The following DIP2C variants were observed in gnomAD, a reference collection of about 807,000 sequenced individuals.
DIP2C encodes disco-interacting protein 2 homolog C.
DIP2C carries 33 observed loss-of-function variants against 192.4 expected under a neutral mutation model. The ratio of observed to expected loss-of-function variants is 0.17; its 90% CI spans 0.13 to 0.23. The LOEUF (loss-of-function observed/expected upper bound fraction) is 0.23, where lower values mean the gene tolerates loss of function less well. DIP2C is among the 10% of genes least tolerant of loss of function. The pLI is 1.00. For missense variants in DIP2C, 1,537 were observed against 2,110.1 expected (o/e 0.73, Z 5.32); for synonymous variants, 979 against 864.1 (o/e 1.13, Z -2.33).
intron 1 of DIP2C, among the ~76,000 whole-genome samples, chr10:544,314 G>A (rs1848166536): frequency 6.6e-6 from 1 of 152,238 alleles, no homozygotes; most frequent in African/African-American, 2.4e-5. Flanking sequence ...TCCATTGTGT[G>A]CAAATTTTCT....
At chr10:604,020 AC>A (rs1022402587) in intron 1 of DIP2C, among the ~76,000 whole-genome samples, 1 of 28,938 alleles carries the variant, frequency 3.5e-5, no homozygotes, top group Non-Finnish European at 6.8e-5. Context: ...ACACCACCCC[AC>A]CCCCCAGCCC....
At chr10:340,746 A>ACC in intron 29 of DIP2C, 2 of 457,356 alleles carry the variant, frequency 4.4e-6, no homozygotes, top group South Asian at 3.1e-5. Context: ...AGAGTGCCGC[A>ACC]CCCCAGGGAA....
At chr10:549,613 A>AG (rs769341876) in intron 1 of DIP2C, among the ~76,000 whole-genome samples, 13 of 152,000 alleles carry the variant, frequency 8.6e-5, no homozygotes, top group Non-Finnish European at 1.8e-4. Flanking sequence ...GTGGCTTCAG[A>AG]GGGGAGGGGT....
chr10:356,366 C>T (rs779228696), intron 24 of DIP2C, 60 bp downstream of exon 24: 1 of 1,583,304 alleles, frequency 6.3e-7, no homozygotes, highest in Admixed American at 1.7e-5. Context: ...GGAGCGCTCC[C>T]AGGAACCAGG....
chr10:289,622 T>C (rs187354949), intron 32 of DIP2C, among the ~76,000 whole-genome samples: 130 of 152,244 alleles, frequency 8.5e-4, no homozygotes, highest in African/African-American at 3.0e-3. Context: ...GACACAGCAG[T>C]CTTCCTCTGT....
intron 2 of DIP2C, among the ~76,000 whole-genome samples, chr10:477,148 A>G (rs1387636486): frequency 6.7e-6 from 1 of 149,130 alleles, no homozygotes; most frequent in Non-Finnish European, 1.5e-5. Context: ...CAGCACAGGA[A>G]GAAGGAAAAG....
chr10:482,975 A>G (rs1420036988), intron 2 of DIP2C, among the ~76,000 whole-genome samples: 1 of 152,182 alleles, frequency 6.6e-6, no homozygotes, highest in Non-Finnish European at 1.5e-5. Context: ...CACTGCATGT[A>G]TAACTCACAT....
intron 1 of DIP2C, among the ~76,000 whole-genome samples, chr10:541,140 G>C (rs563179978): frequency 3.3e-5 from 5 of 151,348 alleles, no homozygotes; most frequent in East Asian, 2.0e-4. Flanking sequence ...AACACCCGAT[G>C]CTTGGGAGGC....
At chr10:586,855 G>GAA (rs61439635) in intron 1 of DIP2C, among the ~76,000 whole-genome samples, 1 of 151,844 alleles carries the variant, frequency 6.6e-6, no homozygotes, top group African/African-American at 2.4e-5. Flanking sequence ...ATTTTGTGGG[G>GAA]AAAACCCCAC....
chr10:480,718 T>G (rs928394902), intron 2 of DIP2C, among the ~76,000 whole-genome samples: 3 of 152,212 alleles, frequency 2.0e-5, no homozygotes, highest in Non-Finnish European at 2.9e-5. Flanking sequence ...TCATTAAATG[T>G]TGCTGAAAAG....
Position 445,052 on chromosome 10 carries a change from C to CT in DIP2C, c.269-4057dup, listed in dbSNP as rs536635222. On this transcript the variant is annotated intron_variant, in intron 3 of 36. Coordinates refer to ENST00000280886, the MANE Select transcript of DIP2C (RefSeq NM_014974.3). Reference sequence around the variant, plus strand: ...AGTCTCCATCAGTCTGAGATCCAGCCTGTCATATCTTCACTAGCACCTGCT... The same window carrying CT: ...AGTCTCCATCAGTCTGAGATCCAGCCTTGTCATATCTTCACTAGCACCTGCT... 2.0e-3 allele frequency among the ~76,000 whole-genome samples: 312 copies of CT among 152,366 alleles called. 1 individual carries two copies. The highest frequency in any genetic ancestry group is 0.014 in the Middle Eastern group (4 of 294).
At chr10:518,922 G>A (rs1001383000) in intron 1 of DIP2C, among the ~76,000 whole-genome samples, 3 of 152,234 alleles carry the variant, frequency 2.0e-5, no homozygotes, top group Non-Finnish European at 2.9e-5. Flanking sequence ...TCTGAAGCCT[G>A]TAACTTTGCC....
chr10:315,064 C>A (rs778877176), intron 31 of DIP2C, among the ~76,000 whole-genome samples: 7 of 152,138 alleles, frequency 4.6e-5, no homozygotes, highest in Non-Finnish European at 7.3e-5. Flanking sequence ...TCACTTTACC[C>A]TCTGTGTATT....
At chr10:434,773 C>T (rs1368672735) in intron 4 of DIP2C, among the ~76,000 whole-genome samples, 1 of 152,040 alleles carries the variant, frequency 6.6e-6, no homozygotes, top group African/African-American at 2.4e-5. Context: ...TTTTTTTCCT[C>T]TCAATAGTTT....
chr10:364,749 T>C (rs374841590), intron 19 of DIP2C, among the ~76,000 whole-genome samples, 167 bp from the exon 20 acceptor site: 2 of 152,172 alleles, frequency 1.3e-5, no homozygotes, highest in African/African-American at 2.4e-5. Flanking sequence ...CCAACAGTCT[T>C]CGAGGCAGAA....
At chr10:405,416 T>C (rs1188000794) in intron 9 of DIP2C, among the ~76,000 whole-genome samples, 1 of 152,252 alleles carries the variant, frequency 6.6e-6, no homozygotes, top group African/African-American at 2.4e-5. Context: ...TATAAAATTG[T>C]ACATTATTGT....
chr10:345,281 T>C, intron 26 of DIP2C, 171 bp from the exon 27 acceptor site: 1 of 729,784 alleles, frequency 1.4e-6, no homozygotes, highest in South Asian at 1.5e-5. Flanking sequence ...AGGAGTCTAG[T>C]TGTGGAGGCA....
chr10:594,766 A>T (rs1347436081), intron 1 of DIP2C, among the ~76,000 whole-genome samples: 2 of 152,096 alleles, frequency 1.3e-5, no homozygotes, highest in East Asian at 3.9e-4. Context: ...TCAAGACCAC[A>T]CACAACCGAG....
At position 284,582 on chromosome 10, in the gene DIP2C, C is replaced by CGGGA. The variant is rs367850655; in HGVS notation, c.4120-1140_4120-1137dup. Reference sequence around the variant, plus strand: ...AAGCGGAGGGTAAACGGTGGTTAGCCGGGACTTCAGAGTGGCAAGGGGGAG... The same window carrying CGGGA: ...AAGCGGAGGGTAAACGGTGGTTAGCCGGGAGGGACTTCAGAGTGGCAAGGGGGAG... On this transcript the variant is annotated intron_variant, in intron 34 of 36. Transcript: ENST00000280886. 5.9e-3 allele frequency among the ~76,000 whole-genome samples: 892 copies of CGGGA among 152,214 alleles called. 8 individuals are homozygous for CGGGA. Among genetic ancestry groups the CGGGA allele is most frequent in the African/African-American group, 0.019 (787 of 41,522 alleles).
Sources: gnomAD v4.1 joint callset for allele counts (sites outside exome capture counted in the v4.1 genomes callset) on GRCh38, gnomAD v4.1.1 for gene constraint, MANE v1.5 for transcripts, NCBI Gene and HGNC (gene_info 2026-07-23, HGNC 2026-07-21) for gene names.